Variants in KAZN observed in about 807,000 individuals in gnomAD.
The protein encoded by KAZN is kazrin, periplakin interacting protein, also known as kazrin.
Under a neutral mutation model 87.4 loss-of-function variants are expected in KAZN, and 40 were observed. That is an observed-to-expected ratio of 0.46 (90% CI 0.36 to 0.60). The LOEUF (loss-of-function observed/expected upper bound fraction) is 0.60, where lower values mean the gene tolerates loss of function less well. Ranked by LOEUF, KAZN falls within the 20% of genes least tolerant of loss-of-function variation. The pLI is 0.00. For missense variants in KAZN, 898 were observed against 1,073.9 expected, an observed-to-expected ratio of 0.84 and a Z score of 2.29; for synonymous variants, 466 against 458.3, an observed-to-expected ratio of 1.02 and a Z score of -0.22.
intron 2 of KAZN, among the ~76,000 whole-genome samples, chr1:14,242,498 A>G (rs888204936): frequency 4.6e-5 from 7 of 152,260 alleles, no homozygotes; most frequent in African/African-American, 1.2e-4. Flanking sequence ...ACAAATATAT[A>G]TGGAATATCC....
In KAZN at chr1:14,509,972, G is replaced by T. The variant is rs758905800; in HGVS notation, c.250-89011G>T. On this transcript the variant is annotated intron_variant, in intron 2 of 16. Coordinates refer to the KAZN transcript ENST00000636203. ...AGTACAAAGGCTCAGAAGTCAGAAA[G>T]GGCTTAGTATTGAAGGCCAGTGTTG... Among the ~76,000 whole-genome samples the T allele has an allele frequency of 2.3e-4, 34 of 150,396 alleles. No individual in the cohort carries two copies. The South Asian group carries it at 3.8e-3, about 17-fold the overall frequency.
intron 1 of KAZN, among the ~76,000 whole-genome samples, chr1:13,969,031 C>T (rs528214473): frequency 2.0e-5 from 3 of 152,292 alleles, no homozygotes; most frequent in Non-Finnish European, 2.9e-5. Context: ...TTATTCTTCA[C>T]GAATTTTCCC....
intron 2 of KAZN, among the ~76,000 whole-genome samples, chr1:14,195,988 A>T (rs1044626516): frequency 6.6e-5 from 10 of 152,096 alleles, no homozygotes; most frequent in Admixed American, 2.6e-4. Context: ...GGCATCCAAT[A>T]TATGTAGGGT....
At chr1:14,533,726 G>A (rs1426027863) in intron 2 of KAZN, among the ~76,000 whole-genome samples, 3 of 152,084 alleles carry the variant, frequency 2.0e-5, no homozygotes, top group East Asian at 3.9e-4. Flanking sequence ...CAGGTGTCAC[G>A]TGCTTCATGG....
chr1:14,739,728 G>A (rs775219166), intron 1 of KAZN, among the ~76,000 whole-genome samples: 7 of 151,800 alleles, frequency 4.6e-5, no homozygotes, highest in Non-Finnish European at 8.8e-5. Context: ...GGTCAAGTCA[G>A]CCCAGCCAAA....
At chr1:14,323,507 A>G (rs185228530) in intron 2 of KAZN, among the ~76,000 whole-genome samples, 2 of 152,082 alleles carry the variant, frequency 1.3e-5, no homozygotes, top group African/African-American at 2.4e-5. Flanking sequence ...GATAGTCTCT[A>G]TGTCAGATCT....
At chr1:14,390,338 T>C (rs547671561) in intron 2 of KAZN, among the ~76,000 whole-genome samples, 11 of 152,288 alleles carry the variant, frequency 7.2e-5, no homozygotes, top group Non-Finnish European at 1.0e-4. Context: ...TGATTTATAA[T>C]GTAAACTTCG....
intron 2 of KAZN, among the ~76,000 whole-genome samples, chr1:14,496,876 G>A (rs1022771964): frequency 2.6e-5 from 4 of 151,914 alleles, no homozygotes; most frequent in Non-Finnish European, 4.4e-5. Context: ...TTCAAACCCA[G>A]AAACCAGGAA....
At chr1:14,916,371 T>C (rs947893373) in intron 1 of KAZN, among the ~76,000 whole-genome samples, 1 of 152,088 alleles carries the variant, frequency 6.6e-6, no homozygotes, top group Non-Finnish European at 1.5e-5. Flanking sequence ...GGTTTCACCA[T>C]GTTGGCCAGG....
intron 2 of KAZN, among the ~76,000 whole-genome samples, chr1:14,448,824 T>A (rs1667117929): frequency 6.6e-6 from 1 of 152,190 alleles, no homozygotes; most frequent in Non-Finnish European, 1.5e-5. Context: ...AGCACACTTC[T>A]TTGCTTCTCA....
chr1:14,678,061 C>T (rs1640340662), intron 1 of KAZN, among the ~76,000 whole-genome samples: 1 of 152,108 alleles, frequency 6.6e-6, no homozygotes, highest in Admixed American at 6.5e-5. Flanking sequence ...GCTCTGGCAC[C>T]TCTGATGGTT....
intron 2 of KAZN, among the ~76,000 whole-genome samples, chr1:14,989,037 T>G (rs1465920499): frequency 6.6e-6 from 1 of 152,232 alleles, no homozygotes; most frequent in Non-Finnish European, 1.5e-5. Context: ...ATCTAGGTGC[T>G]GGTGCCATCA....
intron 2 of KAZN, among the ~76,000 whole-genome samples, chr1:14,345,104 A>G (rs1452592735): frequency 6.6e-6 from 1 of 152,016 alleles, no homozygotes; most frequent in Non-Finnish European, 1.5e-5. Flanking sequence ...TTTTTAGTAG[A>G]GATGGTGTTT....
At chr1:14,428,694 G>T (rs1665879473) in intron 2 of KAZN, among the ~76,000 whole-genome samples, 1 of 152,082 alleles carries the variant, frequency 6.6e-6, no homozygotes, top group African/African-American at 2.4e-5. Flanking sequence ...TCACAGAGCG[G>T]CAGGAGAGAG....
chr1:14,520,542 T>C (rs1002078834), intron 2 of KAZN, among the ~76,000 whole-genome samples: 1 of 152,166 alleles, frequency 6.6e-6, no homozygotes, highest in Non-Finnish European at 1.5e-5. Flanking sequence ...CAGTGGCTCA[T>C]GGGACAACCA....
At chr1:14,408,068 T>G (rs1664009473) in intron 2 of KAZN, among the ~76,000 whole-genome samples, 1 of 152,152 alleles carries the variant, frequency 6.6e-6, no homozygotes, top group Non-Finnish European at 1.5e-5. Context: ...GGGCTGCCCC[T>G]CAGGTCAGGT....
chr1:14,960,578 A>G lies in KAZN; in HGVS notation c.227-106A>G. Reference sequence around the variant, plus strand: ...TTCACACATGTAGGAAAGGCCCTGAATGCAGAGCAAACAAAAAAGCCAAAG... The same window carrying G: ...TTCACACATGTAGGAAAGGCCCTGAGTGCAGAGCAAACAAAAAAGCCAAAG... On this transcript the variant is annotated intron_variant, in intron 1 of 14. Coordinates refer to ENST00000376030, the MANE Select transcript of KAZN (RefSeq NM_201628.3). 3.3e-6 allele frequency: 4 copies of G among 1,204,624 alleles called. No individual in the cohort carries two copies. In the South Asian group the frequency reaches 4.2e-5, roughly 13 times the overall value. The allele number at this position is 1,204,624 out of a possible 1,614,324, so 74.6% of individuals were successfully genotyped here.
At chr1:14,695,508 A>ATTTTTTTTTTTTTTTTTTTTTTT (rs1230082930) in intron 1 of KAZN, among the ~76,000 whole-genome samples, 2 of 67,782 alleles carry the variant, frequency 3.0e-5, no homozygotes, top group South Asian at 6.2e-4. Flanking sequence ...ACTACATTCC[A>ATTTTTTTTTTTTTTTTTTTTTTT]TCTTTTTTTT....
chr1:14,011,315 C>G (rs1425056000), intron 1 of KAZN, among the ~76,000 whole-genome samples: 1 of 152,212 alleles, frequency 6.6e-6, no homozygotes, highest in Non-Finnish European at 1.5e-5. Context: ...GGTCTTCTTT[C>G]TGTTCTTCCA....
Sources: gnomAD v4.1 joint callset for allele counts (sites outside exome capture counted in the v4.1 genomes callset) on GRCh38, gnomAD v4.1.1 for gene constraint, MANE v1.5 for transcripts, NCBI Gene and HGNC (gene_info 2026-07-23, HGNC 2026-07-21) for gene names.